Variants in MACF1 observed in about 807,000 individuals in gnomAD.
MACF1 encodes the protein microtubule-actin cross-linking factor 1.
In MACF1, 193 loss-of-function variants were observed where a neutral mutation model predicts 854.8. The observed-to-expected ratio is 0.23, with a 90% CI of 0.20 to 0.25. MACF1 has a LOEUF of 0.25. Ranked by LOEUF, MACF1 falls within the 10% of genes least tolerant of loss-of-function variation. MACF1 has a pLI of 1.00. For missense variants in MACF1, 7,722 were observed against 8,929.1 expected (o/e 0.86, Z 5.45); for synonymous variants, 3,185 against 3,226.7 (o/e 0.99, Z 0.44).
At position 39,105,788 on chromosome 1, in the gene MACF1, C is replaced by T. The variant is rs1294486981; in HGVS notation, c.220+21350C>T. ...GCGTGGCCTTCGGAGCCGGTCGGCTCGGCGGCTGCAGGTGGGGCGGCCGGG... is the reference window on the plus strand; with the variant it reads ...GCGTGGCCTTCGGAGCCGGTCGGCTTGGCGGCTGCAGGTGGGGCGGCCGGG... On this transcript the variant is annotated intron_variant, in intron 2 of 93. Coordinates refer to the MACF1 transcript ENST00000361689. The surrounding 1 kb of genome is among the most constrained non-coding windows in gnomAD (Gnocchi z 5.9). The T allele has an allele frequency of 1.3e-5, 13 of 1,010,392 alleles. No individual in the cohort carries two copies. The highest frequency in any genetic ancestry group is 1.1e-4 in the East Asian group (1 of 9,238). 62.6% of individuals were successfully genotyped at this position (1,010,392 alleles called of 1,614,324 possible).
In MACF1 at chr1:39,485,825, A is replaced by T. The variant is rs377200423; in HGVS notation, c.*31A>T. The T allele has an allele frequency of 4.3e-5, 67 of 1,543,414 alleles. No homozygotes were observed. Among genetic ancestry groups the T allele is most frequent in the Admixed American group, 1.4e-4 (7 of 51,080 alleles). ...TCTAAGCACCCCCAAGCCACTATCC[A>T]CTTTGAATCCTGCTCCATACATTGG... On this transcript the variant is annotated 3_prime_UTR_variant, in exon 101 of 101. Transcript: ENST00000564288.
At chr1:39,159,833 T>C (rs1247755359) in intron 2 of MACF1, among the ~76,000 whole-genome samples, 1 of 150,432 alleles carries the variant, frequency 6.6e-6, no homozygotes, top group Non-Finnish European at 1.5e-5. Context: ...GTGGAGAGAG[T>C]GGGAGGGGGT....
chr1:39,244,581 A>AC (rs1644961610), intron 2 of MACF1, among the ~76,000 whole-genome samples: 1 of 139,130 alleles, frequency 7.2e-6, no homozygotes, highest in African/African-American at 2.6e-5. Flanking sequence ...GCACCCAGCC[A>AC]TTTTTTTTTT....
At chr1:39,415,525 ATT>A (rs552780376) in intron 58 of MACF1, among the ~76,000 whole-genome samples, 15 of 134,524 alleles carry the variant, frequency 1.1e-4, no homozygotes, top group Admixed American at 2.3e-4. Context: ...TATATATATA[ATT>A]TTTTTTTTTT....
In MACF1 at chr1:39,112,982, CA is replaced by C. The variant is rs796713382; in HGVS notation, c.220+28554del. ...TAGGCTACAGAGCAAGACCCCATCT[CA>C]AAAAAAAAAGCAAAAACATCATCCC... is the stretch of plus-strand genomic sequence containing the variant. On this transcript the variant is annotated intron_variant, in intron 2 of 93. Coordinates refer to the MACF1 transcript ENST00000361689. 2.3e-4 allele frequency among the ~76,000 whole-genome samples: 34 copies of C among 145,712 alleles called. 1 individual carries two copies. The highest frequency in any genetic ancestry group is 5.3e-4 in the African/African-American group (21 of 39,726).
At chr1:39,422,259 T>C (rs1643570260) in intron 58 of MACF1, 115 bp from the exon 59 acceptor site, 1 of 762,100 alleles carries the variant, frequency 1.3e-6, no homozygotes, top group Non-Finnish European at 2.1e-6. Context: ...TCTTTCTTTT[T>C]ATTCCTGGTC....
At chr1:39,471,283 G>A (rs1644771917) in intron 97 of MACF1, among the ~76,000 whole-genome samples, 1 of 152,242 alleles carries the variant, frequency 6.6e-6, no homozygotes, top group Admixed American at 6.5e-5. Flanking sequence ...AGGATGAGAA[G>A]AGAACAAAGT....
chr1:39,183,831 C>G (rs758778572), intron 2 of MACF1, among the ~76,000 whole-genome samples: 1 of 152,088 alleles, frequency 6.6e-6, no homozygotes, highest in Admixed American at 6.6e-5. Context: ...GGAGGTATAG[C>G]GAGAGTAGCT....
intron 28 of MACF1, 36 bp from the exon 29 acceptor site, chr1:39,317,178 A>G (rs1360020719): frequency 6.3e-7 from 1 of 1,595,746 alleles, no homozygotes; most frequent in Non-Finnish European, 8.5e-7. Flanking sequence ...TAGCATGGAA[A>G]GTATACAACC....
chr1:39,469,376 G>A (rs1365869676), intron 96 of MACF1, among the ~76,000 whole-genome samples, 171 bp from the exon 97 acceptor site: 3 of 152,148 alleles, frequency 2.0e-5, no homozygotes, highest in Admixed American at 6.6e-5. Flanking sequence ...AGAGATGACC[G>A]GTTCCAATTG....
chr1:39,280,712 G>C (rs901484585), intron 6 of MACF1, among the ~76,000 whole-genome samples: 1 of 152,096 alleles, frequency 6.6e-6, no homozygotes, highest in Admixed American at 6.5e-5. Context: ...CAAGTAGCTA[G>C]GACTACAGGT....
At chr1:39,171,783 G>A (rs993062824) in intron 2 of MACF1, among the ~76,000 whole-genome samples, 7 of 151,964 alleles carry the variant, frequency 4.6e-5, no homozygotes, top group Admixed American at 1.3e-4. Context: ...CCGCCACCAC[G>A]CCCGGCTAAT....
At chr1:39,159,509 A>C (rs545491772) in intron 2 of MACF1, among the ~76,000 whole-genome samples, 41 of 152,214 alleles carry the variant, frequency 2.7e-4, no homozygotes, top group African/African-American at 9.9e-4. Flanking sequence ...GGCTATTTGT[A>C]AGCCCATTGT....
At chr1:39,098,538 T>C (rs1204318068) in intron 2 of MACF1, among the ~76,000 whole-genome samples, 1 of 152,230 alleles carries the variant, frequency 6.6e-6, no homozygotes, top group Non-Finnish European at 1.5e-5. Flanking sequence ...GCCGGTGCGG[T>C]GAGGCCTTCC....
In MACF1 at chr1:39,324,290, C is replaced by T. The variant is rs1646568896; in HGVS notation, c.4334C>T (p.Thr1445Ile). Reference protein sequence around the residue: ...TLARNTQGKATSSETKESTDI... With the variant: ...TLARNTQGKAISSETKESTDI... ...GCGAGGAATACACAAGGAAAAGCTA[C>T]CTCATCCGAGACCAAAGAATCAACA... Residue 1445 changes from threonine to isoleucine, a missense_variant, in exon 34 of 101, where the codon ACC becomes ATC. Thr to Ile is a moderately conservative substitution (Grantham distance 89). Coordinates refer to ENST00000564288, the MANE Select transcript of MACF1 (RefSeq NM_001394062.1). 1.2e-6 allele frequency: 2 copies of T among 1,613,736 alleles called. No homozygotes were observed. The highest frequency in any genetic ancestry group is 1.7e-6 in the Non-Finnish European group (2 of 1,179,882).
Position 39,293,473 on chromosome 1 carries a change from C to T in MACF1, c.2008C>T (p.Arg670Trp), listed in dbSNP as rs764334835. ...YCKLKETSSFRMRHLQSLHKF... is the reference protein window; with the variant it reads ...YCKLKETSSFWMRHLQSLHKF... The stretch of plus-strand genomic sequence containing the variant: ...CTTTGTCTAGGAAACTTCTAGCTTC[C>T]GGATGAGGCACCTTCAGAGCCTGCA... Residue 670 changes from arginine to tryptophan, a missense_variant, in exon 18 of 101, where the codon CGG becomes TGG. Physicochemically the swap from Arg to Trp is moderately radical, Grantham distance 101. Transcript: ENST00000564288. 3.7e-6 allele frequency: 6 copies of T among 1,611,172 alleles called. No homozygotes were observed. Among genetic ancestry groups the T allele is most frequent in the Non-Finnish European group, 4.2e-6 (5 of 1,178,270 alleles).
At chr1:39,171,501 G>T (rs1027284229) in intron 2 of MACF1, among the ~76,000 whole-genome samples, 76 of 152,048 alleles carry the variant, frequency 5.0e-4, no homozygotes, top group African/African-American at 1.8e-3. Flanking sequence ...TGCTCATTCT[G>T]GATATTTTAT....
intron 70 of MACF1, among the ~76,000 whole-genome samples, chr1:39,437,492 A>G (rs1334834379): frequency 6.6e-6 from 1 of 151,728 alleles, no homozygotes; most frequent in African/African-American, 2.4e-5. Flanking sequence ...TTGTATTTTT[A>G]GTAGGGACGG....
chr1:39,241,209 G>A (rs1320401757), intron 2 of MACF1, among the ~76,000 whole-genome samples: 2 of 152,162 alleles, frequency 1.3e-5, no homozygotes, highest in African/African-American at 4.8e-5. Context: ...TTTAATAAGT[G>A]TAGGAGAGAG....
Sources: allele counts gnomAD v4.1 joint callset (sites outside exome capture counted in the v4.1 genomes callset), GRCh38; gene constraint gnomAD v4.1.1; non-coding constraint Gnocchi (gnomAD v3.1); transcripts MANE v1.5; gene names NCBI Gene and HGNC (gene_info 2026-07-23, HGNC 2026-07-21).